The following KCNK5 variants were observed in gnomAD, a reference collection of about 807,000 sequenced individuals.
The protein encoded by KCNK5 is potassium channel subfamily K member 5.
A neutral mutation model predicts 32.9 loss-of-function variants in KCNK5; 18 were observed. The ratio of observed to expected loss-of-function variants is 0.55; its 90% CI spans 0.38 to 0.81. The LOEUF (loss-of-function observed/expected upper bound fraction) is 0.81, where lower values mean the gene tolerates loss of function less well. Among genes scored for constraint, KCNK5 ranks in the 30% least tolerant of loss-of-function variants. The pLI, the probability that KCNK5 is intolerant of heterozygous loss-of-function variation, is 0.00. For missense variants in KCNK5, 507 were observed against 651.0 expected, an observed-to-expected ratio of 0.78 and a Z score of 2.41; for synonymous variants, 276 against 275.3, an observed-to-expected ratio of 1.00 and a Z score of -0.03.
intron 1 of KCNK5, among the ~76,000 whole-genome samples, chr6:39,209,630 C>G (rs1475843686): frequency 6.6e-6 from 1 of 152,150 alleles, no homozygotes; most frequent in Non-Finnish European, 1.5e-5. Context: ...AGACATAGCC[C>G]CATTGTGAAA....
chr6:39,224,084 G>T (rs1771607004), intron 1 of KCNK5, among the ~76,000 whole-genome samples: 1 of 82,038 alleles, frequency 1.2e-5, no homozygotes, highest in Non-Finnish European at 2.6e-5. Context: ...GGCAGACTAA[G>T]GCTTTTTTTT....
At chr6:39,211,807 T>C (rs1275458747) in intron 1 of KCNK5, among the ~76,000 whole-genome samples, 1 of 150,826 alleles carries the variant, frequency 6.6e-6, no homozygotes, top group Non-Finnish European at 1.5e-5. Flanking sequence ...CTACTAAAAA[T>C]ACAAAAATTA....
chr6:39,228,784 G>T, intron 1 of KCNK5, 142 bp downstream of exon 1: 2 of 776,276 alleles, frequency 2.6e-6, no homozygotes, highest in Non-Finnish European at 4.1e-6. Flanking sequence ...CCTGACCCAT[G>T]ATGAGACACG....
chr6:39,229,087 T>A lies in KCNK5; in HGVS notation c.25A>T (p.Thr9Ser). Residue 9 changes from threonine to serine, a missense_variant, in exon 1 of 5, where the codon ACC (threonine) becomes TCC (serine). Transcript: ENST00000359534. MVDRGPLL[T>S]SAIIFYLAIG... ...GCCAGGTAGAAGATGATGGCCGAGG[T>A]GAGCAGAGGGCCCCGGTCCACCATG... 1.2e-6 allele frequency: 2 copies of A among 1,614,002 alleles called. No homozygotes were observed. Among genetic ancestry groups the A allele is most frequent in the Non-Finnish European group, 1.7e-6 (2 of 1,179,964 alleles).
chr6:39,203,451 G>C (rs951145972), intron 1 of KCNK5, among the ~76,000 whole-genome samples: 1 of 152,232 alleles, frequency 6.6e-6, no homozygotes, highest in Non-Finnish European at 1.5e-5. Context: ...ACCCTGGCCA[G>C]TTTCTCGTCC....
At chr6:39,204,630 G>T (rs1340901303) in intron 1 of KCNK5, among the ~76,000 whole-genome samples, 1 of 152,246 alleles carries the variant, frequency 6.6e-6, no homozygotes, top group Admixed American at 6.5e-5. Context: ...TGCGAACCAG[G>T]ATGCTGCAAA....
At chr6:39,204,685 C>T (rs576130069) in intron 1 of KCNK5, among the ~76,000 whole-genome samples, 20 of 152,210 alleles carry the variant, frequency 1.3e-4, no homozygotes, top group Admixed American at 4.6e-4. Flanking sequence ...AAGTTTCAAA[C>T]GCACTGCCCT....
intron 1 of KCNK5, among the ~76,000 whole-genome samples, chr6:39,228,482 A>G (rs1771712005): frequency 6.6e-6 from 1 of 152,144 alleles, no homozygotes; most frequent in African/African-American, 2.4e-5. Context: ...TTCCTTAAGA[A>G]AAGCCTGGCA....
intron 1 of KCNK5, among the ~76,000 whole-genome samples, chr6:39,205,004 G>A (rs1421526949): frequency 6.6e-6 from 1 of 152,244 alleles, no homozygotes; most frequent in Non-Finnish European, 1.5e-5. Flanking sequence ...CAAGGCAGGT[G>A]ACCCTGCCCG....
intron 4 of KCNK5, among the ~76,000 whole-genome samples, chr6:39,192,740 A>G (rs564760483): frequency 1.3e-5 from 2 of 152,102 alleles, no homozygotes; most frequent in East Asian, 3.9e-4. Flanking sequence ...CTTACCCCCT[A>G]CAGCTCTGAA....
chr6:39,220,611 A>G (rs1004974377), intron 1 of KCNK5, among the ~76,000 whole-genome samples: 4 of 152,264 alleles, frequency 2.6e-5, no homozygotes, highest in South Asian at 2.1e-4. Flanking sequence ...TTGACCATCA[A>G]CTGTTTTAGG....
intron 1 of KCNK5, among the ~76,000 whole-genome samples, chr6:39,203,904 C>T (rs1221103008): frequency 2.6e-5 from 4 of 152,328 alleles, no homozygotes; most frequent in African/African-American, 9.6e-5. Flanking sequence ...AGAAGGAATT[C>T]TTGGTATTTT....
At position 39,188,971 on chromosome 6, in the gene KCNK5, T is replaced by C. The variant is rs1349942422; in HGVS notation, c.*1919A>G. The C allele has an allele frequency of 1.3e-5, 2 of 152,336 alleles. No individual in the cohort carries two copies. Among genetic ancestry groups the C allele is most frequent in the Admixed American group, 6.5e-5 (1 of 15,282 alleles). The allele number at this position is 152,336 out of a possible 1,614,324, so 9.4% of individuals were successfully genotyped here. A position where few individuals can be genotyped will look rare whatever the true frequency, so the allele number is the denominator to read the frequency against. On this transcript the variant is annotated 3_prime_UTR_variant, in exon 5 of 5. Coordinates refer to ENST00000359534, the MANE Select transcript of KCNK5 (RefSeq NM_003740.4). ...GACCCACACACAGCACACACCAAGC[T>C]GGCCTGTCCACCTCATGTTTTATTG... is the stretch of plus-strand genomic sequence containing the variant.
rs745507680 is a variant in KCNK5 at position 39,191,466 on chromosome 6, G to A, written c.924C>T (p.Ile308=). 1.3e-5 allele frequency: 21 copies of A among 1,612,310 alleles called. No homozygotes were observed. Among genetic ancestry groups the A allele is most frequent in the African/African-American group, 2.7e-5 (2 of 74,924 alleles). The change falls in exon 5 of 5, where the codon ATC becomes ATT. Residue 308 remains isoleucine (I), a synonymous_variant. Coordinates refer to ENST00000359534, the MANE Select transcript of KCNK5 (RefSeq NM_003740.4). This position sits in a 1 kb window ranked among gnomAD's most constrained non-coding sequence, Gnocchi z 5.8. ...CGCTTGTCTTCATGGCCTTCTTCCC[G>A]ATCTGCTTGATGAGGTCGTTGTAGG... The part of the protein sequence containing the change: ...EETYNDLIKQ[I]GKKAMKTSGG...
intron 1 of KCNK5, among the ~76,000 whole-genome samples, chr6:39,205,578 G>A (rs1771209306): frequency 6.6e-6 from 1 of 152,194 alleles, no homozygotes; most frequent in African/African-American, 2.4e-5. Flanking sequence ...GCCTGGATTT[G>A]TGACTTTGTC....
At chr6:39,210,018 G>C (rs1023615289) in intron 1 of KCNK5, among the ~76,000 whole-genome samples, 2 of 152,210 alleles carry the variant, frequency 1.3e-5, no homozygotes, top group African/African-American at 4.8e-5. Context: ...CAGGGTTGTG[G>C]GGTAAGAGTG....
intron 1 of KCNK5, among the ~76,000 whole-genome samples, chr6:39,197,618 A>C (rs1771052575): frequency 2.0e-5 from 3 of 152,220 alleles, no homozygotes; most frequent in Admixed American, 2.0e-4. Context: ...ACAAATACTA[A>C]GGACCATCCA....
rs1383228703 is a variant in KCNK5, at chr6:39,194,103, CAT to C, written c.634+64_634+65del. 4 of 1,578,100 alleles carry C rather than the reference CAT, an allele frequency of 2.5e-6. No homozygotes were observed. The African/African-American group carries it at 5.4e-5, about 21-fold the overall frequency. ...GGAACCCTACCTAGGGCACCCCCAA[CAT>C]AGGTCTGTTGCACTGAAACCAAAGA... On this transcript the variant is annotated intron_variant, in intron 4 of 4. Coordinates refer to ENST00000359534, the MANE Select transcript of KCNK5 (RefSeq NM_003740.4). The surrounding 1 kb of genome is among the most constrained non-coding windows in gnomAD (Gnocchi z 4.7).
chr6:39,227,423 T>TA (rs1310425534), intron 1 of KCNK5, among the ~76,000 whole-genome samples: 1 of 152,072 alleles, frequency 6.6e-6, no homozygotes, highest in Non-Finnish European at 1.5e-5. Flanking sequence ...GGAAGCCATG[T>TA]AGACTCTTCA....
Sources: gnomAD v4.1 joint callset for allele counts (sites outside exome capture counted in the v4.1 genomes callset) on GRCh38, gnomAD v4.1.1 for gene constraint, Gnocchi (gnomAD v3.1) non-coding constraint, MANE v1.5 for transcripts, NCBI Gene and HGNC (gene_info 2026-07-23, HGNC 2026-07-21) for gene names.